LTF: variants seen among roughly 807,000 people sequenced by gnomAD.
LTF encodes the protein lactotransferrin.
A neutral mutation model predicts 87.2 loss-of-function variants in LTF; 91 were observed. That is an observed-to-expected ratio of 1.04 (90% CI 0.88 to 1.24). LTF has a LOEUF of 1.24. Ranked by LOEUF, LTF falls within the 50% of genes most tolerant of loss-of-function variation. The pLI is 0.00. For missense variants in LTF, 901 were observed against 904.3 expected, an observed-to-expected ratio of 1.00 and a Z score of 0.05; for synonymous variants, 378 against 356.1, an observed-to-expected ratio of 1.06 and a Z score of -0.69.
At chr3:46,455,067 C>G (rs1390850456) in intron 5 of LTF, among the ~76,000 whole-genome samples, 1 of 152,234 alleles carries the variant, frequency 6.6e-6, no homozygotes, top group African/African-American at 2.4e-5. Flanking sequence ...GCCACAGTGA[C>G]TGCCCGTGGG....
At chr3:46,467,363 T>C (rs1311922685), upstream of LTF, among the ~76,000 whole-genome samples, 4 of 151,874 alleles carry the variant, frequency 2.6e-5, no homozygotes, top group Non-Finnish European at 5.9e-5. Context: ...AGAGGCTCCC[T>C]AAGAAGAGGC....
chr3:46,454,819 G>A (rs1271109990), intron 5 of LTF, among the ~76,000 whole-genome samples: 4 of 152,160 alleles, frequency 2.6e-5, no homozygotes, highest in East Asian at 1.9e-4. Context: ...GGATGGGGGC[G>A]AATCAGGCAT....
intron 1 of LTF, among the ~76,000 whole-genome samples, chr3:46,475,825 G>A (rs879731967): frequency 4.6e-5 from 7 of 152,108 alleles, no homozygotes; most frequent in African/African-American, 1.7e-4. Context: ...TTCAAAAACC[G>A]CTTATGCCTC....
At chr3:46,460,312 TC>T (rs954704853) in intron 1 of LTF, among the ~76,000 whole-genome samples, 3 of 152,142 alleles carry the variant, frequency 2.0e-5, no homozygotes, top group African/African-American at 7.2e-5. Flanking sequence ...ATAAATCTCT[TC>T]CCAGGGAATG....
intron 1 of LTF, among the ~76,000 whole-genome samples, chr3:46,474,307 G>A (rs1239371874): frequency 6.6e-6 from 1 of 152,146 alleles, no homozygotes; most frequent in African/African-American, 2.4e-5. Flanking sequence ...AGCAGGAAGA[G>A]CTACATTAAT....
At chr3:46,464,772 G>A in intron 1 of LTF, 53 bp downstream of exon 1, 2 of 1,600,142 alleles carry the variant, frequency 1.2e-6, no homozygotes, top group Non-Finnish European at 1.7e-6. Flanking sequence ...CTAGCAGACA[G>A]GGCGCAGGAG....
At chr3:46,478,411 G>C (rs536525132) in intron 1 of LTF, among the ~76,000 whole-genome samples, 1 of 152,310 alleles carries the variant, frequency 6.6e-6, no homozygotes, top group African/African-American at 2.4e-5. Context: ...GCTGAAGGTC[G>C]CTATGTTGGT....
Position 46,446,448 on chromosome 3 carries a change from G to A in LTF, c.1349C>T (p.Pro450Leu). 6.2e-7 allele frequency: 1 copy of A among 1,613,288 alleles called. No individual in the cohort carries two copies. Among genetic ancestry groups the A allele is most frequent in the Non-Finnish European group, 8.5e-7 (1 of 1,179,528 alleles). ...SDPDPNCVDRPVEGYLAVAVV... is the reference protein window; with the variant it reads ...SDPDPNCVDRLVEGYLAVAVV... ...GGCTAATGCCAACTCACCTTCCACA[G>A]GTCTATCCACACAGTTAGGATCAGG... The change falls in exon 11 of 17, where the codon CCT becomes CTT. Residue 450 changes from proline (P) to leucine (L), a missense_variant. Transcript: ENST00000231751.
intron 1 of LTF, among the ~76,000 whole-genome samples, chr3:46,477,682 G>T (rs765660697): frequency 6.6e-6 from 1 of 152,186 alleles, no homozygotes; most frequent in Non-Finnish European, 1.5e-5. Flanking sequence ...CTGCTCAATC[G>T]ATATTTTTTG....
At chr3:46,439,164 A>T in intron 15 of LTF, 132 bp downstream of exon 15, 1 of 840,896 alleles carries the variant, frequency 1.2e-6, no homozygotes, top group Non-Finnish European at 1.8e-6. Context: ...GCATGAAGCC[A>T]ATACTCTCAC....
chr3:46,464,681 G>A (rs1279152569), intron 1 of LTF, 144 bp downstream of exon 1: 6 of 814,036 alleles, frequency 7.4e-6, no homozygotes, highest in Admixed American at 5.7e-5. Context: ...CCGCGTCCGG[G>A]CCGCCTCCCG....
At chr3:46,484,897 C>T (rs73067779) in intron 1 of LTF, 9,896 of 152,292 alleles carry the variant, frequency 0.065, 465 homozygotes, top group South Asian at 0.15. Context: ...GATGCCTCCT[C>T]CCTGGCCAGC....
chr3:46,448,876 A>AT lies in LTF; in HGVS notation c.1198dup (p.Ile400AsnfsTer10), dbSNP rs1322897892. 6.2e-6 allele frequency: 10 copies of AT among 1,613,208 alleles called. No individual in the cohort carries two copies. Among genetic ancestry groups the AT allele is most frequent in the Non-Finnish European group, 8.5e-6 (10 of 1,179,806 alleles). ...GGAGCTCCCTACCAGCACCAGGGCGATGCAGTCCTCTGTGGTGGAGGCCGA... is the reference window on the plus strand; with the variant it reads ...GGAGCTCCCTACCAGCACCAGGGCGATTGCAGTCCTCTGTGGTGGAGGCCGA... On this transcript the variant is annotated frameshift_variant, in exon 9 of 17. Transcript: ENST00000231751. LOFTEE classifies it high-confidence loss of function.
At position 46,482,002 on chromosome 3, in the gene LTF, A is replaced by G. The variant is rs573532326; in HGVS notation, c.-320+2984T>C. Among the ~76,000 whole-genome samples the G allele has an allele frequency of 9.8e-5, 15 of 152,338 alleles. No individual in the cohort carries two copies. In the East Asian group the frequency reaches 2.7e-3, roughly 27 times the overall value. On this transcript the variant is annotated intron_variant, in intron 1 of 19. Coordinates refer to the LTF transcript ENST00000443496. ...AAGAAGAAAGAGAAAAACACTGCAC[A>G]TGTCTCAGAACGTCACCCATTCATC...
intron 14 of LTF, among the ~76,000 whole-genome samples, chr3:46,439,887 G>A (rs2106829923): frequency 6.6e-6 from 1 of 150,728 alleles, no homozygotes; most frequent in African/African-American, 2.5e-5. Flanking sequence ...ACCAGCTTGG[G>A]CAACATAGCA....
Position 46,455,982 on chromosome 3 carries a change from C to G in LTF, c.317-4G>C. The G allele has an allele frequency of 1.3e-6, 2 of 1,567,044 alleles. No individual in the cohort carries two copies. Among genetic ancestry groups the G allele is most frequent in the Non-Finnish European group, 8.6e-7 (1 of 1,158,406 alleles). ...GCATAATAGTGAGTTCGTGGCTCTG[C>G]AAAGGGGCAGACAGAATTGAAAGTT... On this transcript the variant is annotated splice_region_variant and splice_polypyrimidine_tract_variant and intron_variant, in intron 3 of 16. Transcript: ENST00000231751.
At chr3:46,482,551 AAGG>A (rs1559614534) in intron 1 of LTF, among the ~76,000 whole-genome samples, 18 of 113,778 alleles carry the variant, frequency 1.6e-4, no homozygotes, top group African/African-American at 5.3e-4. Flanking sequence ...AAGGGAAGGG[AAGG>A]GAAGGGAAGG....
chr3:46,450,091 G>A, intron 7 of LTF, 63 bp from the exon 8 acceptor site: 2 of 1,337,214 alleles, frequency 1.5e-6, no homozygotes, highest in Non-Finnish European at 2.1e-6. Context: ...AAAAAATGAT[G>A]TTAAAAAAGA....
intron 1 of LTF, among the ~76,000 whole-genome samples, chr3:46,471,868 T>C (rs931013365): frequency 6.6e-6 from 1 of 152,134 alleles, no homozygotes; most frequent in African/African-American, 2.4e-5. Flanking sequence ...GCAGTGCCAA[T>C]GATGAGCAAA....
Sources: gnomAD v4.1 joint callset for allele counts (sites outside exome capture counted in the v4.1 genomes callset) on GRCh38, gnomAD v4.1.1 for gene constraint, MANE v1.5 for transcripts, NCBI Gene and HGNC (gene_info 2026-07-23, HGNC 2026-07-21) for gene names.